Variants in ASB13 observed in about 807,000 individuals in gnomAD.
ASB13 encodes the protein ankyrin repeat and SOCS box containing 13.
ASB13 carries 33 observed loss-of-function variants against 28.8 expected under a neutral mutation model. The observed-to-expected ratio is 1.15, with a 90% confidence interval of 0.87 to 1.53. ASB13 has a LOEUF of 1.53. Ranked by LOEUF, ASB13 falls within the 40% of genes most tolerant of loss-of-function variation. ASB13 has a pLI of 0.00. For synonymous variants in ASB13, 182 were observed against 172.9 expected (o/e 1.05, Z -0.41); for missense variants, 414 against 390.1 (o/e 1.06, Z -0.52).
rs763312078 is a variant in ASB13, at chr10:5,652,932, C to T, written c.162G>A (p.Thr54=). ...CVNQVTVDSI[T]PLHAASLQGQ... is the part of the protein sequence containing the mutation. ...CCTGCAGACTGGCTGCGTGCAGGGGCGTGATGGAGTCCACGGTGACCTGGT... is the reference window on the plus strand; with the variant it reads ...CCTGCAGACTGGCTGCGTGCAGGGGTGTGATGGAGTCCACGGTGACCTGGT... Residue 54 remains threonine (T), a synonymous_variant, in exon 2 of 6, where the codon ACG becomes ACA. Transcript: ENST00000357700. The surrounding 1 kb of genome is among the most constrained non-coding windows in gnomAD (Gnocchi z 5.0). 4.2e-5 allele frequency: 66 copies of T among 1,583,430 alleles called. No homozygotes were observed. The highest frequency in any genetic ancestry group is 4.6e-5 in the East Asian group (2 of 43,666).
intron 1 of ASB13, among the ~76,000 whole-genome samples, chr10:5,665,745 G>A (rs914121358): frequency 4.6e-5 from 7 of 152,134 alleles, no homozygotes; most frequent in African/African-American, 1.7e-4. Context: ...TTACCCTTAA[G>A]ACTTTTCCCT....
rs117630765 is a variant in ASB13 at position 5,645,167 on chromosome 10, C to A, written c.518-3206G>T. Among the ~76,000 whole-genome samples, 2 of 151,578 alleles carry A rather than the reference C, an allele frequency of 1.3e-5. No homozygotes were observed. On this transcript the variant is annotated intron_variant, in intron 4 of 5. Coordinates refer to ENST00000357700, the MANE Select transcript of ASB13 (RefSeq NM_024701.4). The surrounding 1 kb of genome is among the most constrained non-coding windows in gnomAD (Gnocchi z 5.4). ...GACGGGACCGCCTAAGACCTTAGCACGCCAAGACTGGCACAATCCTGGAAC... is the reference window on the plus strand; with the variant it reads ...GACGGGACCGCCTAAGACCTTAGCAAGCCAAGACTGGCACAATCCTGGAAC...
In ASB13 at chr10:5,639,837, C is replaced by A. The variant is rs1013179475; in HGVS notation, c.*866G>T. 2.4e-5 allele frequency: 3 copies of A among 123,406 alleles called. No homozygotes were observed. The highest frequency in any genetic ancestry group is 8.5e-5 in the Admixed American group (1 of 11,778). 7.6% of individuals were successfully genotyped at this position (123,406 alleles called of 1,614,324 possible). ...AATTCCCACAGAGTCTCCAAACAGG[C>A]CTTTGCACTGAGAATGCCGAGCCAC... On this transcript the variant is annotated 3_prime_UTR_variant, in exon 6 of 6. Coordinates refer to ENST00000357700, the MANE Select transcript of ASB13 (RefSeq NM_024701.4).
rs1835216752 is a variant in ASB13 at position 5,664,095 on chromosome 10, A to G, written c.43+2414T>C. On this transcript the variant is annotated intron_variant, in intron 1 of 5. Transcript: ENST00000357700. The surrounding 1 kb of genome is among the most constrained non-coding windows in gnomAD (Gnocchi z 4.2). ...GAGCAGGCTGGTGCAGTGGCTAACC[A>G]GGATACAGAAGGCGGGCTTGGCACC... is the stretch of plus-strand genomic sequence containing the variant. Among the ~76,000 whole-genome samples, 1 of 152,184 alleles carries G rather than the reference A, an allele frequency of 6.6e-6. No individual in the cohort carries two copies.
Position 5,661,065 on chromosome 10 carries a change from G to A in ASB13, c.43+5444C>T, listed in dbSNP as rs1170782770. Among the ~76,000 whole-genome samples, 1 of 152,186 alleles carries A rather than the reference G, an allele frequency of 6.6e-6. No homozygotes were observed. Among genetic ancestry groups the A allele is most frequent in the Non-Finnish European group, 1.5e-5 (1 of 68,032 alleles). On this transcript the variant is annotated intron_variant, in intron 1 of 5. Coordinates refer to ENST00000357700, the MANE Select transcript of ASB13 (RefSeq NM_024701.4). The surrounding 1 kb of genome is among the most constrained non-coding windows in gnomAD (Gnocchi z 4.9). ...TCTTTATTTTCCCCCTAGGCAGCTG[G>A]TTTGCCAGTATCTCCTCAGTCATCC...
rs1834971660 is a variant in ASB13 at position 5,650,784 on chromosome 10, G to A, written c.382+429C>T. Among the ~76,000 whole-genome samples, 1 of 152,204 alleles carries A rather than the reference G, an allele frequency of 6.6e-6. No individual in the cohort carries two copies. Among genetic ancestry groups the A allele is most frequent in the Non-Finnish European group, 1.5e-5 (1 of 68,032 alleles). The stretch of plus-strand genomic sequence containing the variant: ...AGATGAGGTCCCACCTGCTCCCTGA[G>A]CCTGCAGGACCAGCACTGTTTTGAG... On this transcript the variant is annotated intron_variant, in intron 3 of 5. Coordinates refer to ENST00000357700, the MANE Select transcript of ASB13 (RefSeq NM_024701.4). This position sits in a 1 kb window ranked among gnomAD's most constrained non-coding sequence, Gnocchi z 6.0.
intron 1 of ASB13, among the ~76,000 whole-genome samples, chr10:5,665,910 C>T (rs1835251229): frequency 6.6e-6 from 1 of 152,236 alleles, no homozygotes; most frequent in South Asian, 2.1e-4. Flanking sequence ...GTCCTTCCCT[C>T]AAATCCATTT....
Position 5,651,506 on chromosome 10 carries a change from G to A in ASB13, c.232-143C>T. On this transcript the variant is annotated intron_variant, in intron 2 of 5. Transcript: ENST00000357700. The surrounding 1 kb of genome is among the most constrained non-coding windows in gnomAD (Gnocchi z 5.1). Reference sequence around the variant, plus strand: ...CTATTATGTGCTAGGCAACGACACTGAAAGAGATAGCACGTGGCTGCGGAG... The same window carrying A: ...CTATTATGTGCTAGGCAACGACACTAAAAGAGATAGCACGTGGCTGCGGAG... The A allele has an allele frequency of 4.4e-6, 4 of 902,044 alleles. No homozygotes were observed. The highest frequency in any genetic ancestry group is 6.5e-6 in the Non-Finnish European group (4 of 612,202). The allele number at this position is 902,044 out of a possible 1,614,324, so 55.9% of individuals were successfully genotyped here.
At chr10:5,647,153 A>G (rs1404869151) in intron 4 of ASB13, among the ~76,000 whole-genome samples, 1 of 152,072 alleles carries the variant, frequency 6.6e-6, no homozygotes, top group African/African-American at 2.4e-5. Flanking sequence ...AGAGAAGGGG[A>G]CTTGCTATGT....
chr10:5,649,225 G>T lies in ASB13; in HGVS notation c.383-121C>A, dbSNP rs1307906259. The T allele has an allele frequency of 1.1e-5, 15 of 1,380,360 alleles. No homozygotes were observed. The Admixed American group carries it at 1.7e-4, about 15-fold the overall frequency. The allele number at this position is 1,380,360 out of a possible 1,614,324, so 85.5% of individuals were successfully genotyped here. A position where few individuals can be genotyped will look rare whatever the true frequency, so the allele number is the denominator to read the frequency against. ...GGTGCAGGGCAGGGAAGCCAGGCAG[G>T]CCTGCGTCCCAACCTAGGGAGGAGT... is the stretch of plus-strand genomic sequence containing the variant. On this transcript the variant is annotated intron_variant, in intron 3 of 5. Transcript: ENST00000357700. This position sits in a 1 kb window ranked among gnomAD's most constrained non-coding sequence, Gnocchi z 6.4.
At chr10:5,643,567 A>G (rs937339156) in intron 4 of ASB13, among the ~76,000 whole-genome samples, 1 of 152,240 alleles carries the variant, frequency 6.6e-6, no homozygotes, top group Non-Finnish European at 1.5e-5. Flanking sequence ...GAAATGTACT[A>G]CAAAAAAATA....
At position 5,659,434 on chromosome 10, in the gene ASB13, G is replaced by T. The variant is rs1358166400; in HGVS notation, c.44-6384C>A. ...AAGGTCCACGACCATGCAGTCACAG[G>T]CCCTGTCCCCAGGCTCCCCGTCATG... is the stretch of plus-strand genomic sequence containing the variant. On this transcript the variant is annotated intron_variant, in intron 1 of 5. Transcript: ENST00000357700. The surrounding 1 kb of genome is among the most constrained non-coding windows in gnomAD (Gnocchi z 5.8). 6.6e-6 allele frequency among the ~76,000 whole-genome samples: 1 copy of T among 152,168 alleles called. No individual in the cohort carries two copies. Among genetic ancestry groups the T allele is most frequent in the African/African-American group, 2.4e-5 (1 of 41,438 alleles).
At position 5,661,562 on chromosome 10, in the gene ASB13, A is replaced by C. The variant is rs1835166680; in HGVS notation, c.43+4947T>G. ...CAAGCTGAAGTGCAGTGGTGTGATC[A>C]GGGCTCACTGCAGCCTCAACCTCCT... On this transcript the variant is annotated intron_variant, in intron 1 of 5. Transcript: ENST00000357700. This position sits in a 1 kb window ranked among gnomAD's most constrained non-coding sequence, Gnocchi z 4.9. Among the ~76,000 whole-genome samples the C allele has an allele frequency of 6.6e-6, 1 of 152,188 alleles. No homozygotes were observed. The highest frequency in any genetic ancestry group is 1.5e-5 in the Non-Finnish European group (1 of 68,020).
Position 5,666,426 on chromosome 10 carries a change from C to T in ASB13, c.43+83G>A, listed in dbSNP as rs539003989. On this transcript the variant is annotated intron_variant, in intron 1 of 5. Transcript: ENST00000357700. ...CAGCGCGGGGCGCGCCACCACCTCC[C>T]CGGCGCAGGCCATCGGATACGCGGC... 31 of 1,179,816 alleles carry T rather than the reference C, an allele frequency of 2.6e-5. No homozygotes were observed. The South Asian group carries it at 7.3e-4, about 28-fold the overall frequency. The allele number at this position is 1,179,816 out of a possible 1,614,324, so 73.1% of individuals were successfully genotyped here.
Position 5,664,493 on chromosome 10 carries a change from T to A in ASB13, c.43+2016A>T, listed in dbSNP as rs1835224519. On this transcript the variant is annotated intron_variant, in intron 1 of 5. Coordinates refer to ENST00000357700, the MANE Select transcript of ASB13 (RefSeq NM_024701.4). The surrounding 1 kb of genome is among the most constrained non-coding windows in gnomAD (Gnocchi z 4.2). ...AGAAACATAGTCCCCACATAGCAAG[T>A]GGCTCAGCTGCAATATTCACAGTCA... is the stretch of plus-strand genomic sequence containing the variant. Among the ~76,000 whole-genome samples, 1 of 146,658 alleles carries A rather than the reference T, an allele frequency of 6.8e-6. No individual in the cohort carries two copies. Among genetic ancestry groups the A allele is most frequent in the African/African-American group, 2.5e-5 (1 of 40,104 alleles).
chr10:5,661,091 C>T lies in ASB13; in HGVS notation c.43+5418G>A, dbSNP rs918280329. The stretch of plus-strand genomic sequence containing the variant: ...TTTGCCAGTATCTCCTCAGTCATCC[C>T]AGAGCCAGAGCCCCACTCGTTGGGC... On this transcript the variant is annotated intron_variant, in intron 1 of 5. Coordinates refer to ENST00000357700, the MANE Select transcript of ASB13 (RefSeq NM_024701.4). The surrounding 1 kb of genome is among the most constrained non-coding windows in gnomAD (Gnocchi z 4.9). Among the ~76,000 whole-genome samples, 14 of 152,318 alleles carry T rather than the reference C, an allele frequency of 9.2e-5. No homozygotes were observed. The highest frequency in any genetic ancestry group is 3.1e-4 in the African/African-American group (13 of 41,568).
rs1554742677 is a variant in ASB13, at chr10:5,652,026, C to CCCA, written c.232-664_232-663insTGG. Among the ~76,000 whole-genome samples, 3 of 59,152 alleles carry CCCA rather than the reference C, an allele frequency of 5.1e-5. No homozygotes were observed. Among genetic ancestry groups the CCCA allele is most frequent in the Admixed American group, 3.8e-4 (2 of 5,262 alleles). 38.8% of individuals were successfully genotyped at this position (59,152 alleles called of 152,430 possible). On this transcript the variant is annotated intron_variant, in intron 2 of 5. Transcript: ENST00000357700. The surrounding 1 kb of genome is among the most constrained non-coding windows in gnomAD (Gnocchi z 5.0). Reference sequence around the variant, plus strand: ...CAAAAAAAAAAAAAAAAAAAAAAAACCACACACACACACACACACACACAC... The same window carrying CCCA: ...CAAAAAAAAAAAAAAAAAAAAAAAACCCACACACACACACACACACACACACAC...
Position 5,645,039 on chromosome 10 carries a change from C to A in ASB13, c.518-3078G>T, listed in dbSNP as rs1397649598. Among the ~76,000 whole-genome samples the A allele has an allele frequency of 6.6e-6, 1 of 151,888 alleles. No individual in the cohort carries two copies. Among genetic ancestry groups the A allele is most frequent in the Admixed American group, 6.6e-5 (1 of 15,230 alleles). On this transcript the variant is annotated intron_variant, in intron 4 of 5. Transcript: ENST00000357700. This position sits in a 1 kb window ranked among gnomAD's most constrained non-coding sequence, Gnocchi z 5.4. ...GCAGGGAATTAAAAGCTCTGAACTT[C>A]GTGCTTCAGAGAAAAGGGGTCAACA...
At position 5,652,020 on chromosome 10, in the gene ASB13, A is replaced by C. The variant is rs1466230351; in HGVS notation, c.232-657T>G. On this transcript the variant is annotated intron_variant, in intron 2 of 5. Transcript: ENST00000357700. The surrounding 1 kb of genome is among the most constrained non-coding windows in gnomAD (Gnocchi z 5.0). Reference sequence around the variant, plus strand: ...TTATCTCAAAAAAAAAAAAAAAAAAAAAAAACCACACACACACACACACAC... The same window carrying C: ...TTATCTCAAAAAAAAAAAAAAAAAACAAAAACCACACACACACACACACAC... Among the ~76,000 whole-genome samples, 4 of 74,860 alleles carry C rather than the reference A, an allele frequency of 5.3e-5. No homozygotes were observed. The highest frequency in any genetic ancestry group is 5.7e-5 in the Non-Finnish European group (2 of 34,950). The allele number at this position is 74,860 out of a possible 152,430, so 49.1% of individuals were successfully genotyped here.
Sources: gnomAD v4.1 joint callset for allele counts (sites outside exome capture counted in the v4.1 genomes callset) on GRCh38, gnomAD v4.1.1 for gene constraint, Gnocchi (gnomAD v3.1) non-coding constraint, MANE v1.5 for transcripts, NCBI Gene and HGNC (gene_info 2026-07-23, HGNC 2026-07-21) for gene names.